Variants in ADARB2 observed in about 807,000 individuals in gnomAD.
ADARB2 encodes adenosine deaminase RNA specific B2 (inactive), also known as inactive double-stranded RNA-specific editase B2.
Under a neutral mutation model 62.2 loss-of-function variants are expected in ADARB2, and 25 were observed. That is an observed-to-expected ratio of 0.40 (90% CI 0.29 to 0.56). ADARB2 has a LOEUF of 0.56. ADARB2 is among the 20% of genes least tolerant of loss of function. ADARB2 has a pLI of 0.43. For synonymous variants in ADARB2, 572 were observed against 500.8 expected (o/e 1.14, Z -1.90); for missense variants, 1,071 against 1,077.4 (o/e 0.99, Z 0.08).
chr10:1,445,177 TCATCCATCCACCCACCAACC>T (rs141956699), intron 1 of ADARB2, among the ~76,000 whole-genome samples: 31,322 of 143,208 alleles, frequency 0.22, 3,828 homozygotes, highest in Middle Eastern at 0.42. Flanking sequence ...ATGTTTTCAT[TCATCCATCCACCCACCAACC>T]CATCCATCCA....
chr10:1,664,574 C>T (rs1018174844), intron 1 of ADARB2, among the ~76,000 whole-genome samples: 5 of 152,200 alleles, frequency 3.3e-5, no homozygotes, highest in Admixed American at 2.0e-4. Flanking sequence ...AGAAGAATTG[C>T]TGTTTACGGC....
intron 8 of ADARB2, among the ~76,000 whole-genome samples, chr10:1,196,206 C>CTTTT (rs10665720): frequency 1.7e-4 from 21 of 120,906 alleles, no homozygotes; most frequent in Admixed American, 3.4e-4. Context: ...CTTCTTTTGC[C>CTTTT]TTTTTTTTTT....
intron 3 of ADARB2, among the ~76,000 whole-genome samples, chr10:1,330,106 C>T (rs909162148): frequency 5.9e-5 from 9 of 152,012 alleles, no homozygotes; most frequent in African/African-American, 1.9e-4. Context: ...ATTTTGCCCA[C>T]GTTCTTTTGT....
chr10:1,200,101 C>T lies in ADARB2; in HGVS notation c.1729G>A (p.Glu577Lys). Residue 577 changes from glutamate to lysine, a missense_variant, in exon 8 of 10, where the codon GAG becomes AAG. Coordinates refer to ENST00000381312, the MANE Select transcript of ADARB2 (RefSeq NM_018702.4). ...ACGATGCTCTGCAGGTACACGGGCT[C>T]CACGAAGTGGGACAGGAGCGCGCCC... ...LQGALLSHFVEPVYLQSIVVG... is the reference protein window; with the variant it reads ...LQGALLSHFVKPVYLQSIVVG... 1.9e-6 allele frequency: 3 copies of T among 1,562,750 alleles called. No homozygotes were observed. Among genetic ancestry groups the T allele is most frequent in the Non-Finnish European group, 2.6e-6 (3 of 1,155,024 alleles).
At chr10:1,525,070 C>T (rs781342024) in intron 1 of ADARB2, among the ~76,000 whole-genome samples, 1 of 152,086 alleles carries the variant, frequency 6.6e-6, no homozygotes, top group African/African-American at 2.4e-5. Context: ...AATAACTTCA[C>T]GAACAGGAAG....
chr10:1,322,186 G>A (rs1345268175), intron 3 of ADARB2, among the ~76,000 whole-genome samples: 3 of 152,210 alleles, frequency 2.0e-5, no homozygotes, highest in Non-Finnish European at 4.4e-5. Context: ...TGATGGGAGA[G>A]ATGGATATAA....
chr10:1,608,728 TAAGA>T (rs1265662095), intron 1 of ADARB2, among the ~76,000 whole-genome samples: 2 of 108,144 alleles, frequency 1.8e-5, no homozygotes, highest in African/African-American at 4.4e-5. Context: ...AAGAAAAAAG[TAAGA>T]AAGAAAGAGA....
Position 1,535,216 on chromosome 10 carries a change from G to C in ADARB2, c.101-156056C>G, listed in dbSNP as rs12570733. The stretch of plus-strand genomic sequence containing the variant: ...GGATTCTGCTCTTTACGCCGTCCCC[G>C]GGCAACACAGACATCAGCTCTTCTC... On this transcript the variant is annotated intron_variant, in intron 1 of 9. Transcript: ENST00000381312. Among the ~76,000 whole-genome samples the C allele has an allele frequency of 0.012, 1,897 of 152,190 alleles. 62 individuals are homozygous for C. The East Asian group carries it at 0.13, about 11-fold the overall frequency.
At chr10:1,567,968 C>A (rs1195974608) in intron 1 of ADARB2, among the ~76,000 whole-genome samples, 2 of 152,204 alleles carry the variant, frequency 1.3e-5, no homozygotes, top group Non-Finnish European at 2.9e-5. Context: ...CACGGCATCA[C>A]CCCATCTGGA....
At chr10:1,360,699 G>A (rs1380268482) in intron 3 of ADARB2, among the ~76,000 whole-genome samples, 1 of 152,194 alleles carries the variant, frequency 6.6e-6, no homozygotes, top group Non-Finnish European at 1.5e-5. Flanking sequence ...TGGACGCCGC[G>A]TGCAGAGCAG....
chr10:1,676,099 T>C, intron 1 of ADARB2: 1 of 984,294 alleles, frequency 1.0e-6, no homozygotes, highest in Non-Finnish European at 1.2e-6. Context: ...CCTGAAGGTT[T>C]GCAGGCATAT....
At chr10:1,204,623 C>G (rs183016601) in intron 7 of ADARB2, among the ~76,000 whole-genome samples, 85 of 152,342 alleles carry the variant, frequency 5.6e-4, no homozygotes, top group African/African-American at 2.0e-3. Context: ...CTCCTGCCGG[C>G]CTCACCCGTC....
chr10:1,523,337 G>A (rs1037922872), intron 1 of ADARB2, among the ~76,000 whole-genome samples: 5 of 152,182 alleles, frequency 3.3e-5, no homozygotes. Flanking sequence ...AGAGGACATA[G>A]TCTCCACCCC....
rs569490621 is a variant in ADARB2, at chr10:1,356,793, G to A, written c.1077+6235C>T. Among the ~76,000 whole-genome samples the A allele has an allele frequency of 1.6e-4, 24 of 152,224 alleles. No homozygotes were observed. In the South Asian group the frequency reaches 4.8e-3, roughly 30 times the overall value. ...ACACTCATCACCACTTCTAAGACAC[G>A]AGAACTAACTTCAAACAAGCCAATT... On this transcript the variant is annotated intron_variant, in intron 3 of 9. Coordinates refer to ENST00000381312, the MANE Select transcript of ADARB2 (RefSeq NM_018702.4).
chr10:1,293,139 AAGAG>A (rs1162124786), intron 3 of ADARB2: 2 of 74,790 alleles, frequency 2.7e-5, no homozygotes, highest in African/African-American at 9.9e-5. Flanking sequence ...TAGGGAAGGA[AAGAG>A]AGAGGGAGAG....
chr10:1,209,349 A>G (rs1284400151), intron 7 of ADARB2, among the ~76,000 whole-genome samples: 16 of 135,566 alleles, frequency 1.2e-4, no homozygotes, highest in East Asian at 2.4e-4. Context: ...ACCCATGCCC[A>G]TGCCTACACC....
At chr10:1,608,487 A>C (rs996313594) in intron 1 of ADARB2, among the ~76,000 whole-genome samples, 1 of 151,724 alleles carries the variant, frequency 6.6e-6, no homozygotes, top group Middle Eastern at 3.4e-3. Flanking sequence ...GAAAAAAGGA[A>C]GAAAAGGGGA....
At chr10:1,698,810 A>C (rs145574543) in intron 1 of ADARB2, among the ~76,000 whole-genome samples, 1,940 of 152,316 alleles carry the variant, frequency 0.013, 18 homozygotes, top group Non-Finnish European at 0.018. Context: ...CTCAGGCTGG[A>C]ATGCAATGGC....
intron 1 of ADARB2, among the ~76,000 whole-genome samples, chr10:1,694,936 G>T (rs1834720363): frequency 6.6e-6 from 1 of 152,130 alleles, no homozygotes. Flanking sequence ...TGAAGCCTCT[G>T]CATGGAAGGT....
Sources: gnomAD v4.1 joint callset for allele counts (sites outside exome capture counted in the v4.1 genomes callset) on GRCh38, gnomAD v4.1.1 for gene constraint, MANE v1.5 for transcripts, NCBI Gene and HGNC (gene_info 2026-07-23, HGNC 2026-07-21) for gene names.